The following CTNNA2 variants were observed in gnomAD, a reference collection of about 807,000 sequenced individuals.
CTNNA2 encodes catenin alpha-2.
A neutral mutation model predicts 101.0 loss-of-function variants in CTNNA2; 42 were observed. The ratio of observed to expected loss-of-function variants is 0.42; its 90% CI spans 0.32 to 0.54. The LOEUF is 0.54. Ranked by LOEUF, CTNNA2 falls within the 20% of genes least tolerant of loss-of-function variation. The pLI, the probability that CTNNA2 is intolerant of heterozygous loss-of-function variation, is 0.14. For synonymous variants in CTNNA2, 450 were observed against 456.4 expected, an observed-to-expected ratio of 0.99 and a Z score of 0.18; for missense variants, 871 against 1,223.1, an observed-to-expected ratio of 0.71 and a Z score of 4.29.
At chr2:80,620,262 T>G (rs1018041415) in intron 18 of CTNNA2, among the ~76,000 whole-genome samples, 2 of 151,712 alleles carry the variant, frequency 1.3e-5, no homozygotes, top group African/African-American at 4.8e-5. Flanking sequence ...CTTTTTTTTT[T>G]CCTAAATATA....
At chr2:79,213,130 G>A (rs574707376) in intron 2 of CTNNA2, among the ~76,000 whole-genome samples, 2 of 152,252 alleles carry the variant, frequency 1.3e-5, no homozygotes, top group South Asian at 4.1e-4. Flanking sequence ...GGGAGTAGGT[G>A]GGAGTGGCCA....
At chr2:79,498,011 A>G (rs1213604847) in intron 4 of CTNNA2, 3 of 152,340 alleles carry the variant, frequency 2.0e-5, no homozygotes, top group African/African-American at 7.2e-5. Flanking sequence ...GAACACAGTC[A>G]TGCTGTCAGG....
chr2:79,534,646 A>G (rs1217865042), intron 1 of CTNNA2, among the ~76,000 whole-genome samples: 2 of 152,072 alleles, frequency 1.3e-5, no homozygotes, highest in Non-Finnish European at 2.9e-5. Flanking sequence ...AGATACAGAT[A>G]TATTTATTCT....
chr2:79,823,625 A>T (rs1406947579), intron 3 of CTNNA2, among the ~76,000 whole-genome samples: 1 of 152,172 alleles, frequency 6.6e-6, no homozygotes, highest in African/African-American at 2.4e-5. Context: ...GAAACTTAAA[A>T]ATTCGTAGAT....
At chr2:80,451,692 CA>C (rs1334905162) in intron 9 of CTNNA2, among the ~76,000 whole-genome samples, 2 of 152,022 alleles carry the variant, frequency 1.3e-5, no homozygotes, top group African/African-American at 4.8e-5. Flanking sequence ...GGCAATAATT[CA>C]AATATGATTT....
At chr2:80,296,426 A>G (rs990666760) in intron 7 of CTNNA2, among the ~76,000 whole-genome samples, 1 of 152,116 alleles carries the variant, frequency 6.6e-6, no homozygotes, top group Admixed American at 6.6e-5. Context: ...AAGTGGGTCA[A>G]TTGAGGGTTC....
intron 7 of CTNNA2, among the ~76,000 whole-genome samples, chr2:79,923,165 G>A (rs1686790318): frequency 6.6e-6 from 1 of 152,094 alleles, no homozygotes; most frequent in Non-Finnish European, 1.5e-5. Context: ...TGTTAATGCA[G>A]CTAATGCAGA....
intron 3 of CTNNA2, among the ~76,000 whole-genome samples, chr2:79,851,737 CTTTTTTTTT>C (rs11399192): frequency 2.3e-5 from 2 of 87,122 alleles, no homozygotes; most frequent in African/African-American, 9.4e-5. Flanking sequence ...TTTTCTTTTC[CTTTTTTTTT>C]TTTTTTTTTT....
chr2:80,157,273 C>A (rs541623854), intron 7 of CTNNA2, among the ~76,000 whole-genome samples: 1 of 152,268 alleles, frequency 6.6e-6, no homozygotes, highest in South Asian at 2.1e-4. Flanking sequence ...TCTCACCACT[C>A]TGTCATTTAT....
At chr2:80,542,878 T>TCC (rs11326898) in intron 9 of CTNNA2, among the ~76,000 whole-genome samples, 110 of 150,632 alleles carry the variant, frequency 7.3e-4, no homozygotes, top group African/African-American at 2.4e-3. Context: ...CCTGATTTTT[T>TCC]CCCCCCCCCA....
intron 9 of CTNNA2, among the ~76,000 whole-genome samples, chr2:80,438,416 TGTTA>T (rs1682240959): frequency 1.4e-5 from 2 of 142,252 alleles, no homozygotes. Flanking sequence ...TCCGTTTGTT[TGTTA>T]GTTTTTTTGT....
chr2:80,005,368 G>A (rs572370859), intron 7 of CTNNA2, among the ~76,000 whole-genome samples: 40 of 152,238 alleles, frequency 2.6e-4, no homozygotes, highest in African/African-American at 9.4e-4. Flanking sequence ...CAAGAATGAG[G>A]CTTTCAAATC....
intron 4 of CTNNA2, among the ~76,000 whole-genome samples, chr2:79,495,946 T>C (rs1671251740): frequency 6.6e-6 from 1 of 152,086 alleles, no homozygotes; most frequent in South Asian, 2.1e-4. Context: ...ACTAGTGGTT[T>C]ACTATGGCTA....
chr2:79,601,549 G>A (rs550775761), intron 1 of CTNNA2, among the ~76,000 whole-genome samples: 1 of 152,348 alleles, frequency 6.6e-6, no homozygotes, highest in East Asian at 1.9e-4. Flanking sequence ...TCAGCTGTTA[G>A]AAGCAAAAGC....
intron 4 of CTNNA2, among the ~76,000 whole-genome samples, chr2:79,439,549 G>A (rs62156998): frequency 0.045 from 6,808 of 152,216 alleles, 253 homozygotes; most frequent in East Asian, 0.11. Context: ...CGTACGCTTT[G>A]AATGGGTAGC....
At chr2:79,821,701 T>A (rs192058144) in intron 3 of CTNNA2, among the ~76,000 whole-genome samples, 157 of 152,286 alleles carry the variant, frequency 1.0e-3, no homozygotes, top group African/African-American at 3.7e-3. Flanking sequence ...AAAAATGAAT[T>A]ATAAATTTAG....
At position 79,302,493 on chromosome 2, in the gene CTNNA2, T is replaced by C. The variant is rs540873627; in HGVS notation, c.-405-10216T>C. On this transcript the variant is annotated intron_variant, in intron 2 of 21. Coordinates refer to the CTNNA2 transcript ENST00000466387. Reference sequence around the variant, plus strand: ...TTCTGACGTGTTTAACCTACTTCTTTAGTCTTTTCTTTAGAGAGTTTCAGC... The same window carrying C: ...TTCTGACGTGTTTAACCTACTTCTTCAGTCTTTTCTTTAGAGAGTTTCAGC... 3.3e-5 allele frequency among the ~76,000 whole-genome samples: 5 copies of C among 152,324 alleles called. No individual in the cohort carries two copies. The East Asian group carries it at 7.7e-4, about 24-fold the overall frequency.
intron 12 of CTNNA2, among the ~76,000 whole-genome samples, chr2:80,558,726 G>A (rs1178378981): frequency 6.6e-6 from 1 of 152,042 alleles, no homozygotes; most frequent in Non-Finnish European, 1.5e-5. Flanking sequence ...GTGAGAGAGG[G>A]TGGTAGTGGG....
chr2:80,343,589 G>T (rs530327112), intron 7 of CTNNA2, among the ~76,000 whole-genome samples: 1 of 151,922 alleles, frequency 6.6e-6, no homozygotes, highest in East Asian at 1.9e-4. Flanking sequence ...TTCTTTGATC[G>T]TCTTGGCCTG....
Sources: gnomAD v4.1 joint callset for allele counts (sites outside exome capture counted in the v4.1 genomes callset) on GRCh38, gnomAD v4.1.1 for gene constraint, MANE v1.5 for transcripts, NCBI Gene and HGNC (gene_info 2026-07-23, HGNC 2026-07-21) for gene names.